Variants in CYB561D2 observed in about 807,000 individuals in gnomAD.
CYB561D2 encodes cytochrome b561 family member D2, also known as transmembrane reductase CYB561D2.
Under a neutral mutation model 20.2 loss-of-function variants are expected in CYB561D2, and 16 were observed. The ratio of observed to expected loss-of-function variants is 0.79; its 90% CI spans 0.53 to 1.20. CYB561D2 has a LOEUF of 1.20. Ranked by LOEUF, CYB561D2 falls within the 50% of genes most tolerant of loss-of-function variation. The probability of loss-of-function intolerance (pLI) is 0.00; values close to 1 mark genes in which losing one functional copy is unlikely to be tolerated. For synonymous variants in CYB561D2, 135 were observed against 128.3 expected, an observed-to-expected ratio of 1.05 and a Z score of -0.35; for missense variants, 247 against 270.3, an observed-to-expected ratio of 0.91 and a Z score of 0.60.
intron 2 of CYB561D2, 26 bp downstream of exon 2, chr3:50,351,586 TG>T (rs749834804): frequency 6.2e-7 from 1 of 1,602,124 alleles, no homozygotes; most frequent in Admixed American, 1.7e-5. Context: ...AGCTGACTTC[TG>T]GGAAGGGAAG....
chr3:50,352,684 CAAAAAAAAAA>C (rs59516380), intron 3 of CYB561D2, among the ~76,000 whole-genome samples: 1 of 45,706 alleles, frequency 2.2e-5, no homozygotes, highest in African/African-American at 8.5e-5. Flanking sequence ...AGACTATCTC[CAAAAAAAAAA>C]AAAAAAAAAA....
intron 3 of CYB561D2, 25 bp downstream of exon 3, chr3:50,352,071 T>G (rs372358872): frequency 8.7e-6 from 14 of 1,613,628 alleles, no homozygotes; most frequent in Middle Eastern, 1.7e-4. Flanking sequence ...TGGGCAGTTC[T>G]TAGGGGTGGG....
Position 50,353,229 on chromosome 3 carries a change from C to T in CYB561D2, c.166-12C>T, listed in dbSNP as rs1326901172. The T allele has an allele frequency of 6.5e-7, 1 of 1,536,010 alleles. No individual in the cohort carries two copies. The highest frequency in any genetic ancestry group is 1.9e-5 in the Admixed American group (1 of 52,498). On this transcript the variant is annotated splice_polypyrimidine_tract_variant and intron_variant, in intron 3 of 3. Coordinates refer to ENST00000425346, the MANE Select transcript of CYB561D2 (RefSeq NM_001291284.2). ...CACCCTCACTTGAGCTTCCCATCCC[C>T]TGTTTCCTCAGTTCTCCTTCCTGAT...
At position 50,353,061 on chromosome 3, in the gene CYB561D2, A is replaced by G. The variant is rs760522503; in HGVS notation, c.166-180A>G. 3.3e-5 allele frequency among the ~76,000 whole-genome samples: 5 copies of G among 152,332 alleles called. No homozygotes were observed. In the East Asian group the frequency reaches 7.7e-4, roughly 24 times the overall value. ...AGTGTGGAGATTATTCAGGGCACAT[A>G]TATCATCCCAGATGGGGTTTTCCAC... On this transcript the variant is annotated intron_variant, in intron 3 of 3. Transcript: ENST00000425346.
At chr3:50,351,591 A>G in intron 2 of CYB561D2, 31 bp downstream of exon 2, 1 of 1,600,672 alleles carries the variant, frequency 6.2e-7, no homozygotes, top group Non-Finnish European at 8.5e-7. Flanking sequence ...ACTTCTGGGA[A>G]GGGAAGGGCC....
chr3:50,353,106 T>C, intron 3 of CYB561D2, 135 bp from the exon 4 acceptor site: 1 of 1,289,236 alleles, frequency 7.8e-7, no homozygotes, highest in South Asian at 1.5e-5. Context: ...ACCAAATGGA[T>C]AGTCTTGTCA....
chr3:50,351,113 T>C (rs1441610163), intron 1 of CYB561D2, 129 bp downstream of exon 1: 3 of 442,920 alleles, frequency 6.8e-6, no homozygotes, highest in South Asian at 3.7e-5. Flanking sequence ...CCCTCCCAGC[T>C]GGCTCTACTG....
chr3:50,351,263 T>TA, intron 1 of CYB561D2, 146 bp from the exon 2 acceptor site: 1 of 891,390 alleles, frequency 1.1e-6, no homozygotes, highest in South Asian at 1.8e-5. Context: ...TGGCATGTTG[T>TA]GACCATTCCT....
At chr3:50,352,610 C>T (rs1359283615) in intron 3 of CYB561D2, among the ~76,000 whole-genome samples, 5 of 146,554 alleles carry the variant, frequency 3.4e-5, no homozygotes, top group African/African-American at 5.0e-5. Flanking sequence ...TGCTTGAACC[C>T]GGAAGGCGGA....
At chr3:50,351,266 C>T in intron 1 of CYB561D2, 143 bp from the exon 2 acceptor site, 2 of 915,298 alleles carry the variant, frequency 2.2e-6, no homozygotes, top group South Asian at 1.8e-5. Flanking sequence ...CATGTTGTGA[C>T]CATTCCTGGT....
intron 2 of CYB561D2, 127 bp downstream of exon 2, chr3:50,351,687 G>A (rs587693493): frequency 1.5e-6 from 2 of 1,358,460 alleles, no homozygotes; most frequent in Admixed American, 2.4e-5. Context: ...GATGAGTGAG[G>A]TGGAGCAGGT....
rs747302240 is a variant in CYB561D2, at chr3:50,353,428, C to T, written c.353C>T (p.Thr118Met). ...KEQLGKAHLV[T>M]RHGQAGLLAV... ...CAGCTTGGCAAAGCCCACCTGGTTA[C>T]GCGGCATGGGCAGGCAGGGCTGCTG... is the stretch of plus-strand genomic sequence containing the variant. The change falls in exon 4 of 4, where the codon ACG becomes ATG. Residue 118 changes from threonine (T) to methionine (M), a missense_variant. Thr to Met is a moderately conservative substitution (Grantham distance 81). Transcript: ENST00000425346. 44 of 1,612,926 alleles carry T rather than the reference C, an allele frequency of 2.7e-5. No homozygotes were observed. The highest frequency in any genetic ancestry group is 1.8e-4 in the East Asian group (8 of 44,900).
chr3:50,350,878 A>G lies in CYB561D2; in HGVS notation c.-132A>G, dbSNP rs1291175104. 2.1e-6 allele frequency: 3 copies of G among 1,402,806 alleles called. No individual in the cohort carries two copies. In the Admixed American group the frequency reaches 1.0e-4, roughly 48 times the overall value. The allele number at this position is 1,402,806 out of a possible 1,614,324, so 86.9% of individuals were successfully genotyped here. ...TGGGTGGGTAGACGTCGCACCCGGA[A>G]GTAAAGCGGCTCCGTGACGGAGCGG... On this transcript the variant is annotated 5_prime_UTR_variant, in exon 1 of 4. Coordinates refer to ENST00000425346, the MANE Select transcript of CYB561D2 (RefSeq NM_001291284.2). This position sits in a 1 kb window ranked among gnomAD's most constrained non-coding sequence, Gnocchi z 5.7.
rs1038768163 is a variant in CYB561D2 at position 50,354,063 on chromosome 3, TA to T, written c.*325del. 8 of 248,494 alleles carry T rather than the reference TA, an allele frequency of 3.2e-5. No individual in the cohort carries two copies. The highest frequency in any genetic ancestry group is 5.4e-5 in the Non-Finnish European group (7 of 128,668). 15.4% of individuals were successfully genotyped at this position (248,494 alleles called of 1,614,324 possible). ...AGGAGAGAAAAAAGTAAAAAATTTGTAAAAAATGACTGAAAAGATTGATGGG... is the reference window on the plus strand; with the variant it reads ...AGGAGAGAAAAAAGTAAAAAATTTGTAAAAATGACTGAAAAGATTGATGGG... On this transcript the variant is annotated 3_prime_UTR_variant, in exon 4 of 4. Transcript: ENST00000425346.
At position 50,350,989 on chromosome 3, in the gene CYB561D2, G is replaced by T; in HGVS notation, c.-26+5G>T. ...TCTGCGCTGCGGCAGAGGCAGGCAA[G>T]TCCCTAGCGTGGAGGGGCAGCATGC... On this transcript the variant is annotated splice_donor_5th_base_variant and intron_variant, in intron 1 of 3. Coordinates refer to ENST00000425346, the MANE Select transcript of CYB561D2 (RefSeq NM_001291284.2). The surrounding 1 kb of genome is among the most constrained non-coding windows in gnomAD (Gnocchi z 5.7). 9 of 1,096,394 alleles carry T rather than the reference G, an allele frequency of 8.2e-6. No homozygotes were observed. Among genetic ancestry groups the T allele is most frequent in the Non-Finnish European group, 1.1e-5 (9 of 840,960 alleles). The allele number at this position is 1,096,394 out of a possible 1,614,324, so 67.9% of individuals were successfully genotyped here. A position where few individuals can be genotyped will look rare whatever the true frequency, so the allele number is the denominator to read the frequency against.
intron 2 of CYB561D2, 22 bp downstream of exon 2, chr3:50,351,582 C>T (rs1703763397): frequency 6.2e-7 from 1 of 1,603,420 alleles, no homozygotes; most frequent in Non-Finnish European, 8.5e-7. Flanking sequence ...TCATAGCTGA[C>T]TTCTGGGAAG....
At chr3:50,351,271 CCT>C in intron 1 of CYB561D2, 136 bp from the exon 2 acceptor site, 1 of 955,142 alleles carries the variant, frequency 1.0e-6, no homozygotes, top group South Asian at 1.8e-5. Flanking sequence ...TGTGACCATT[CCT>C]GGTGCTGGTC....
At chr3:50,351,198 G>A (rs1386502459) in intron 1 of CYB561D2, 1 of 545,438 alleles carries the variant, frequency 1.8e-6, no homozygotes, top group East Asian at 3.3e-5. Context: ...AGGCGGGCCA[G>A]CGATTGGTAC....
chr3:50,353,325 C>T lies in CYB561D2; in HGVS notation c.250C>T (p.Arg84Cys), dbSNP rs201280167. The T allele has an allele frequency of 9.8e-5, 158 of 1,610,730 alleles. No individual in the cohort carries two copies. The highest frequency in any genetic ancestry group is 3.1e-4 in the East Asian group (14 of 44,794). The change falls in exon 4 of 4, where the codon CGC (arginine) becomes TGC (cysteine). Residue 84 changes from arginine to cysteine, a missense_variant. Arg to Cys is a radical substitution (Grantham distance 180). Coordinates refer to ENST00000425346, the MANE Select transcript of CYB561D2 (RefSeq NM_001291284.2). ...LHSLSRKGRARCHWVLQLLAL... is the reference protein window; with the variant it reads ...LHSLSRKGRACCHWVLQLLAL... Reference sequence around the variant, plus strand: ...CTCCCTCTCACGGAAAGGCCGAGCACGCTGCCACTGGGTGCTGCAGCTGCT... The same window carrying T: ...CTCCCTCTCACGGAAAGGCCGAGCATGCTGCCACTGGGTGCTGCAGCTGCT...
Sources: allele counts gnomAD v4.1 joint callset (sites outside exome capture counted in the v4.1 genomes callset), GRCh38; gene constraint gnomAD v4.1.1; non-coding constraint Gnocchi (gnomAD v3.1); transcripts MANE v1.5; gene names NCBI Gene and HGNC (gene_info 2026-07-23, HGNC 2026-07-21).